Variants in PCYT1A observed in about 807,000 individuals in gnomAD.
PCYT1A encodes the protein choline-phosphate cytidylyltransferase A.
Under a neutral mutation model 43.7 loss-of-function variants are expected in PCYT1A, and 25 were observed. The observed-to-expected ratio is 0.57, with a 90% CI of 0.42 to 0.80. The LOEUF is 0.80. Ranked by LOEUF, PCYT1A falls within the 30% of genes least tolerant of loss-of-function variation. PCYT1A has a pLI of 0.00. For missense variants in PCYT1A, 421 were observed against 474.2 expected (o/e 0.89, Z 1.04); for synonymous variants, 172 against 170.7 (o/e 1.01, Z -0.06).
intron 4 of PCYT1A, 81 bp downstream of exon 4, chr3:196,248,126 C>CT (rs1724627696): frequency 2.5e-6 from 2 of 799,092 alleles, no homozygotes; most frequent in Non-Finnish European, 4.5e-6. Flanking sequence ...GAAACAAGAG[C>CT]CAGTGTACTC....
chr3:196,275,872 C>T (rs1037138973), intron 1 of PCYT1A, among the ~76,000 whole-genome samples: 3 of 151,936 alleles, frequency 2.0e-5, no homozygotes, highest in East Asian at 1.9e-4. Context: ...CCAAGGCAGG[C>T]GGATCACAAG....
At chr3:196,245,686 G>C (rs982257035) in intron 5 of PCYT1A, among the ~76,000 whole-genome samples, 8 of 152,014 alleles carry the variant, frequency 5.3e-5, no homozygotes, top group Admixed American at 1.3e-4. Context: ...AACTTGTCAG[G>C]GATCCATAGG....
chr3:196,271,078 G>A (rs568811404), intron 1 of PCYT1A, among the ~76,000 whole-genome samples: 1 of 152,180 alleles, frequency 6.6e-6, no homozygotes, highest in East Asian at 1.9e-4. Flanking sequence ...AGGCTGGGGT[G>A]CAGTGGTATG....
chr3:196,257,905 G>A lies in PCYT1A; in HGVS notation c.118-18C>T. 6.6e-7 allele frequency: 1 copy of A among 1,517,218 alleles called. No homozygotes were observed. Among genetic ancestry groups the A allele is most frequent in the Non-Finnish European group, 9.1e-7 (1 of 1,095,214 alleles). 94.0% of individuals were successfully genotyped at this position (1,517,218 alleles called of 1,614,324 possible). A position where few individuals can be genotyped will look rare whatever the true frequency, so the allele number is the denominator to read the frequency against. ...CGTAAGCCCTTAAGAAATGGAAAGT[G>A]AAGGAAAAGAAAGTTCAACTCAATG... On this transcript the variant is annotated intron_variant, in intron 2 of 8. Coordinates refer to ENST00000431016, the MANE Select transcript of PCYT1A (RefSeq NM_001312673.2).
At chr3:196,255,978 T>G (rs1724938920) in intron 3 of PCYT1A, among the ~76,000 whole-genome samples, 1 of 152,222 alleles carries the variant, frequency 6.6e-6, no homozygotes, top group South Asian at 2.1e-4. Flanking sequence ...TCTCTGGTTT[T>G]CTTTGTCATT....
chr3:196,286,768 G>T (rs1385213447), intron 1 of PCYT1A, among the ~76,000 whole-genome samples: 1 of 152,182 alleles, frequency 6.6e-6, no homozygotes, highest in Non-Finnish European at 1.5e-5. Context: ...ACAAAAATTA[G>T]CCGGGCGTGG....
chr3:196,263,676 A>G (rs1725182505), intron 2 of PCYT1A, among the ~76,000 whole-genome samples: 1 of 152,160 alleles, frequency 6.6e-6, no homozygotes, highest in Non-Finnish European at 1.5e-5. Context: ...CTCTGTCGCC[A>G]GGCTGGAGTA....
chr3:196,247,564 A>G lies in PCYT1A; in HGVS notation c.335-46T>C. The G allele has an allele frequency of 2.5e-6, 4 of 1,585,386 alleles. No individual in the cohort carries two copies. Among genetic ancestry groups the G allele is most frequent in the Non-Finnish European group, 3.5e-6 (4 of 1,153,924 alleles). On this transcript the variant is annotated intron_variant, in intron 4 of 8. Transcript: ENST00000431016. The surrounding 1 kb of genome is among the most constrained non-coding windows in gnomAD (Gnocchi z 4.8). ...TTGTGTGTTGGAGTCCTCTTTGCTTAGCACCTCCTCAGCCACCGACCTCTC... is the reference window on the plus strand; with the variant it reads ...TTGTGTGTTGGAGTCCTCTTTGCTTGGCACCTCCTCAGCCACCGACCTCTC...
In PCYT1A at chr3:196,242,557, C is replaced by A; in HGVS notation, c.565+5G>T. 1 of 1,594,610 alleles carries A rather than the reference C, an allele frequency of 6.3e-7. No homozygotes were observed. The highest frequency in any genetic ancestry group is 8.6e-7 in the Non-Finnish European group (1 of 1,162,118). The stretch of plus-strand genomic sequence containing the variant: ...CCCTACAGTGAGGAAGCACAGCTCA[C>A]TCACCTGCCTCCTTGATGTGCTTAT... On this transcript the variant is annotated splice_donor_5th_base_variant and intron_variant, in intron 6 of 8. Coordinates refer to ENST00000431016, the MANE Select transcript of PCYT1A (RefSeq NM_001312673.2). This position sits in a 1 kb window ranked among gnomAD's most constrained non-coding sequence, Gnocchi z 4.2.
chr3:196,244,330 C>T (rs1421407971), intron 5 of PCYT1A, among the ~76,000 whole-genome samples: 1 of 146,294 alleles, frequency 6.8e-6, no homozygotes, highest in Non-Finnish European at 1.5e-5. Context: ...GGAGCGCCTC[C>T]TCCCCGCCGC....
chr3:196,241,645 A>C, intron 7 of PCYT1A: 1 of 1,348,558 alleles, frequency 7.4e-7, no homozygotes, highest in South Asian at 1.2e-5. Context: ...ATCCAACCGA[A>C]GAAGAGAGAG....
intron 5 of PCYT1A, among the ~76,000 whole-genome samples, chr3:196,246,349 C>T (rs911869806): frequency 1.3e-5 from 2 of 152,008 alleles, no homozygotes; most frequent in Admixed American, 6.6e-5. Flanking sequence ...TCTAACCTGG[C>T]CTAATCAATC....
intron 2 of PCYT1A, among the ~76,000 whole-genome samples, chr3:196,261,489 T>C: frequency 6.6e-6 from 1 of 152,008 alleles, no homozygotes; most frequent in South Asian, 2.1e-4. Flanking sequence ...ACCCCGTCAC[T>C]ACTAAAAATA....
chr3:196,252,379 C>T lies in PCYT1A; in HGVS notation c.218-4056G>A, dbSNP rs1047093933. On this transcript the variant is annotated intron_variant, in intron 3 of 8. Coordinates refer to ENST00000431016, the MANE Select transcript of PCYT1A (RefSeq NM_001312673.2). The surrounding 1 kb of genome is among the most constrained non-coding windows in gnomAD (Gnocchi z 4.0). ...TATCCTGCCTCAGCCTCCCAAGTCA[C>T]TGGGATTACAGGCGAAAGCCACCAA... is the stretch of plus-strand genomic sequence containing the variant. 3.9e-5 allele frequency among the ~76,000 whole-genome samples: 6 copies of T among 152,140 alleles called. No individual in the cohort carries two copies. The highest frequency in any genetic ancestry group is 5.9e-5 in the Non-Finnish European group (4 of 68,032).
At chr3:196,255,927 C>A (rs753575694) in intron 3 of PCYT1A, among the ~76,000 whole-genome samples, 3 of 152,152 alleles carry the variant, frequency 2.0e-5, no homozygotes, top group Non-Finnish European at 4.4e-5. Flanking sequence ...TATCTTCTGG[C>A]GTTTTGAAGT....
intron 1 of PCYT1A, among the ~76,000 whole-genome samples, chr3:196,286,809 G>C (rs973910594): frequency 6.6e-6 from 1 of 152,232 alleles, no homozygotes; most frequent in African/African-American, 2.4e-5. Context: ...AGCTACTAGG[G>C]AGGCTGAGAC....
rs1724177614 is a variant in PCYT1A at position 196,236,813 on chromosome 3, CCCA to C, written c.*1872_*1874del. ...TCCCAAGTAGCTGGGATTACAGGTGCCCACCACCACGCCTGGCTAATTTTTGTA... is the reference window on the plus strand; with the variant it reads ...TCCCAAGTAGCTGGGATTACAGGTGCCCACCACGCCTGGCTAATTTTTGTA... On this transcript the variant is annotated 3_prime_UTR_variant, in exon 9 of 9. Transcript: ENST00000431016. 1.3e-5 allele frequency: 2 copies of C among 151,930 alleles called. No homozygotes were observed. Among genetic ancestry groups the C allele is most frequent in the African/African-American group, 4.8e-5 (2 of 41,318 alleles). 9.4% of individuals were successfully genotyped at this position (151,930 alleles called of 1,614,324 possible).
intron 3 of PCYT1A, among the ~76,000 whole-genome samples, chr3:196,257,240 A>C (rs919621390): frequency 6.6e-6 from 1 of 152,250 alleles, no homozygotes; most frequent in Non-Finnish European, 1.5e-5. Flanking sequence ...ACTGCTAATT[A>C]ATTATGTAAA....
At chr3:196,269,950 C>T (rs966210103) in intron 2 of PCYT1A, among the ~76,000 whole-genome samples, 1 of 152,016 alleles carries the variant, frequency 6.6e-6, no homozygotes, top group East Asian at 1.9e-4. Context: ...CTCGGCTCAC[C>T]GCATCCTCCG....
Sources: allele counts gnomAD v4.1 joint callset (sites outside exome capture counted in the v4.1 genomes callset), GRCh38; gene constraint gnomAD v4.1.1; non-coding constraint Gnocchi (gnomAD v3.1); transcripts MANE v1.5; gene names NCBI Gene and HGNC (gene_info 2026-07-23, HGNC 2026-07-21).